TMEM74: variants seen among roughly 807,000 people sequenced by gnomAD.
TMEM74 encodes transmembrane protein 74.
Under a neutral mutation model 18.1 loss-of-function variants are expected in TMEM74, and 13 were observed. The ratio of observed to expected loss-of-function variants is 0.72; its 90% CI spans 0.47 to 1.14. TMEM74 has a LOEUF of 1.14. TMEM74 is among the 50% of genes most tolerant of loss of function. TMEM74 has a pLI of 0.00. For missense variants in TMEM74, 372 were observed against 375.9 expected (o/e 0.99, Z 0.09); for synonymous variants, 159 against 146.6 (o/e 1.08, Z -0.61).
At chr8:108,770,284 G>A (rs1487172358) in intron 1 of TMEM74, among the ~76,000 whole-genome samples, 1 of 152,182 alleles carries the variant, frequency 6.6e-6, no homozygotes, top group African/African-American at 2.4e-5. Context: ...GTTTAGTACA[G>A]TGAGAAAAAA....
At position 108,708,932 on chromosome 8, in the gene TMEM74, C is replaced by T. The variant is rs78756730; in HGVS notation, n.120-53495G>A. On this transcript the variant is annotated intron_variant and non_coding_transcript_variant, in intron 1 of 3. Coordinates refer to the TMEM74 transcript ENST00000518838. The stretch of plus-strand genomic sequence containing the variant: ...GACCACAGGTATACTAAGGAAAATG[C>T]TCAACATCATTAATTATTTAAAAAT... Among the ~76,000 whole-genome samples, 1,143 of 151,274 alleles carry T rather than the reference C, an allele frequency of 7.6e-3. 17 individuals are homozygous for T. Among genetic ancestry groups the T allele is most frequent in the African/African-American group, 0.027 (1,095 of 41,220 alleles).
intron 1 of TMEM74, among the ~76,000 whole-genome samples, chr8:108,717,960 T>G (rs112958116): frequency 1.8e-5 from 1 of 54,952 alleles, no homozygotes; most frequent in Admixed American, 1.8e-4. Flanking sequence ...TTTTTTTTTT[T>G]TTTTTTTTTT....
At chr8:108,769,193 T>C (rs1586291661) in intron 1 of TMEM74, among the ~76,000 whole-genome samples, 1 of 149,932 alleles carries the variant, frequency 6.7e-6, no homozygotes, top group African/African-American at 2.4e-5. Context: ...GGGCATGGTG[T>C]GTGTTGTGCC....
intron 1 of TMEM74, among the ~76,000 whole-genome samples, chr8:108,656,017 A>G (rs550869112): frequency 2.6e-5 from 4 of 152,236 alleles, no homozygotes; most frequent in Admixed American, 1.3e-4. Flanking sequence ...CCAGGCACAC[A>G]TCATTTGGTG....
chr8:108,705,823 G>A (rs1423442079), intron 1 of TMEM74, among the ~76,000 whole-genome samples: 3 of 152,208 alleles, frequency 2.0e-5, no homozygotes, highest in Non-Finnish European at 4.4e-5. Context: ...AACAATCACA[G>A]ATACTCTCAT....
At chr8:108,652,105 A>AAC (rs35637657) in intron 2 of TMEM74, among the ~76,000 whole-genome samples, 28,979 of 152,018 alleles carry the variant, frequency 0.19, 2,935 homozygotes, top group East Asian at 0.28. Context: ...AGAAAGAAAA[A>AAC]ACATTTTTTA....
chr8:108,639,565 T>C (rs1318451353), intron 2 of TMEM74, among the ~76,000 whole-genome samples: 2 of 152,148 alleles, frequency 1.3e-5, no homozygotes, highest in Non-Finnish European at 2.9e-5. Context: ...TCACAGGACA[T>C]TAGGTGATTA....
In TMEM74 at chr8:108,784,645, C is replaced by T. The variant is rs778813853; in HGVS notation, c.454G>A (p.Ala152Thr). 1.2e-6 allele frequency: 2 copies of T among 1,614,210 alleles called. No individual in the cohort carries two copies. Among genetic ancestry groups the T allele is most frequent in the Admixed American group, 1.7e-5 (1 of 60,030 alleles). ...TCCTCTTCAGATATCAAAGATATGG[C>T]AGCCTCTTGGGACCACTCATTTGGA... ...ENPNEWSQEA[A>T]ISLISEEEDD... The change falls in exon 2 of 2, where the codon GCC becomes ACC. Residue 152 changes from alanine to threonine, a missense_variant. Physicochemically the swap from Ala to Thr is moderately conservative, Grantham distance 58 (BLOSUM62 0). Coordinates refer to ENST00000297459, the MANE Select transcript of TMEM74 (RefSeq NM_153015.3).
intron 1 of TMEM74, among the ~76,000 whole-genome samples, chr8:108,678,544 T>G (rs1813078034): frequency 6.7e-6 from 1 of 150,078 alleles, no homozygotes; most frequent in East Asian, 1.9e-4. Context: ...TTTTTTTTTT[T>G]GTATTTTTAG....
In TMEM74 at chr8:108,779,273, A is replaced by G. The variant is rs1236065980; in HGVS notation, c.*4908T>C. Among the ~76,000 whole-genome samples the G allele has an allele frequency of 1.3e-5, 2 of 152,192 alleles. No homozygotes were observed. The highest frequency in any genetic ancestry group is 2.9e-5 in the Non-Finnish European group (2 of 68,030). On this transcript the variant is annotated 3_prime_UTR_variant, in exon 2 of 2. Transcript: ENST00000297459. ...TAAAATTAACAGCACGATGAGAACC[A>G]CAGGGTACAAACTCTCAATACACAA...
At chr8:108,739,429 G>C (rs186761711) in intron 1 of TMEM74, among the ~76,000 whole-genome samples, 22 of 152,326 alleles carry the variant, frequency 1.4e-4, no homozygotes, top group Admixed American at 1.1e-3. Flanking sequence ...TGGCTTTACT[G>C]TTAGGAAAAA....
At position 108,785,109 on chromosome 8, in the gene TMEM74, C is replaced by T; in HGVS notation, c.-11G>A. 6.4e-7 allele frequency: 1 copy of T among 1,571,182 alleles called. No homozygotes were observed. The highest frequency in any genetic ancestry group is 1.2e-5 in the South Asian group (1 of 83,622). On this transcript the variant is annotated 5_prime_UTR_variant, in exon 2 of 2. Coordinates refer to ENST00000297459, the MANE Select transcript of TMEM74 (RefSeq NM_153015.3). Reference sequence around the variant, plus strand: ...GTAGTGGAGCTCCATGAGAGCTAGTCAGACATCCCCCAGCAGCTTCCGGAA... The same window carrying T: ...GTAGTGGAGCTCCATGAGAGCTAGTTAGACATCCCCCAGCAGCTTCCGGAA...
chr8:108,735,723 A>T (rs1042460020), intron 1 of TMEM74, among the ~76,000 whole-genome samples: 1 of 152,142 alleles, frequency 6.6e-6, no homozygotes, highest in Non-Finnish European at 1.5e-5. Flanking sequence ...TTGGAGATAT[A>T]CTTAGAAGTG....
chr8:108,663,085 G>T (rs1258952468), intron 1 of TMEM74, among the ~76,000 whole-genome samples: 1 of 152,084 alleles, frequency 6.6e-6, no homozygotes, highest in Non-Finnish European at 1.5e-5. Context: ...AGCAAAAATT[G>T]ACAAATGGGA....
intron 1 of TMEM74, among the ~76,000 whole-genome samples, chr8:108,711,950 T>C (rs1179800766): frequency 2.6e-5 from 4 of 151,966 alleles, no homozygotes; most frequent in African/African-American, 9.7e-5. Context: ...GATATAGATA[T>C]AGAGATATAT....
intron 1 of TMEM74, among the ~76,000 whole-genome samples, chr8:108,771,857 A>C (rs76771083): frequency 0.013 from 1,916 of 152,252 alleles, 47 homozygotes; most frequent in African/African-American, 0.043. Flanking sequence ...GATACCTTGA[A>C]GACTCCAGAT....
intron 1 of TMEM74, among the ~76,000 whole-genome samples, chr8:108,671,564 A>T (rs1813005509): frequency 6.6e-6 from 1 of 152,144 alleles, no homozygotes; most frequent in Non-Finnish European, 1.5e-5. Context: ...TTCTCCGAAA[A>T]TGTTGAGTCC....
Position 108,628,246 on chromosome 8 carries a change from A to G in TMEM74, n.265-19420T>C, listed in dbSNP as rs867523018. On this transcript the variant is annotated intron_variant and non_coding_transcript_variant, in intron 2 of 3. Coordinates refer to the TMEM74 transcript ENST00000518838. ...GGTTAGAGGCTATAGAGTTATCTCAAACTAATTTATCACCTTTTTGAATGT... is the reference window on the plus strand; with the variant it reads ...GGTTAGAGGCTATAGAGTTATCTCAGACTAATTTATCACCTTTTTGAATGT... Among the ~76,000 whole-genome samples the G allele has an allele frequency of 5.9e-5, 9 of 151,968 alleles. No individual in the cohort carries two copies. The South Asian group carries it at 1.7e-3, about 28-fold the overall frequency.
chr8:108,704,971 T>G (rs1357444066), intron 1 of TMEM74, among the ~76,000 whole-genome samples: 1 of 152,220 alleles, frequency 6.6e-6, no homozygotes, highest in Non-Finnish European at 1.5e-5. Flanking sequence ...TAGTGATCAC[T>G]GAAATTCAAG....
Sources: allele counts gnomAD v4.1 joint callset (sites outside exome capture counted in the v4.1 genomes callset), GRCh38; gene constraint gnomAD v4.1.1; transcripts MANE v1.5; gene names NCBI Gene and HGNC (gene_info 2026-07-23, HGNC 2026-07-21).